ST6GALNAC3: variants seen among roughly 807,000 people sequenced by gnomAD.
ST6GALNAC3 encodes the protein alpha-N-acetylgalactosaminide alpha-2,6-sialyltransferase 3.
Under a neutral mutation model 32.7 loss-of-function variants are expected in ST6GALNAC3, and 25 were observed. That is an observed-to-expected ratio of 0.76 (90% confidence interval 0.56 to 1.07). The LOEUF is 1.07. Among genes scored for constraint, ST6GALNAC3 ranks in the 50% least tolerant of loss-of-function variants. The pLI, the probability that ST6GALNAC3 is intolerant of heterozygous loss-of-function variation, is 0.00. For synonymous variants in ST6GALNAC3, 129 were observed against 133.1 expected (o/e 0.97, Z 0.21); for missense variants, 355 against 382.4 (o/e 0.93, Z 0.60).
intron 1 of ST6GALNAC3, among the ~76,000 whole-genome samples, chr1:76,126,559 T>C (rs1400079563): frequency 6.6e-6 from 1 of 152,160 alleles, no homozygotes; most frequent in East Asian, 1.9e-4. Flanking sequence ...CAAGTGAACA[T>C]CTTCCTTAGT....
intron 2 of ST6GALNAC3, among the ~76,000 whole-genome samples, chr1:76,344,211 A>G (rs1211711282): frequency 2.6e-5 from 4 of 152,208 alleles, no homozygotes; most frequent in Admixed American, 6.5e-5. Context: ...GAATGATGAG[A>G]GGGAGCCAAG....
intron 1 of ST6GALNAC3, among the ~76,000 whole-genome samples, chr1:76,305,120 A>G (rs1322671813): frequency 1.3e-5 from 2 of 152,044 alleles, no homozygotes; most frequent in Non-Finnish European, 2.9e-5. Flanking sequence ...TCCCATAAGT[A>G]GTAGGATTTG....
chr1:76,426,420 C>T (rs745881954), intron 3 of ST6GALNAC3, among the ~76,000 whole-genome samples: 1 of 151,742 alleles, frequency 6.6e-6, no homozygotes, highest in Non-Finnish European at 1.5e-5. Context: ...TGTCTTCCAC[C>T]TTCACATCTT....
At chr1:76,133,955 C>T (rs951407431) in intron 1 of ST6GALNAC3, among the ~76,000 whole-genome samples, 6 of 152,158 alleles carry the variant, frequency 3.9e-5, no homozygotes, top group South Asian at 2.1e-4. Flanking sequence ...TTACAGGCAA[C>T]GACCCCAATC....
intron 3 of ST6GALNAC3, among the ~76,000 whole-genome samples, chr1:76,615,077 A>T (rs763008503): frequency 6.6e-6 from 1 of 152,112 alleles, no homozygotes; most frequent in Non-Finnish European, 1.5e-5. Flanking sequence ...AAGATGATGC[A>T]GGGGGCTAGA....
chr1:76,335,630 G>A (rs1022478358), intron 2 of ST6GALNAC3, among the ~76,000 whole-genome samples: 1 of 152,138 alleles, frequency 6.6e-6, no homozygotes, highest in African/African-American at 2.4e-5. Context: ...TTTTCTTCAT[G>A]AACATAATGA....
At chr1:76,493,078 A>G (rs2101698250) in intron 3 of ST6GALNAC3, among the ~76,000 whole-genome samples, 1 of 150,872 alleles carries the variant, frequency 6.6e-6, no homozygotes, top group South Asian at 2.1e-4. Flanking sequence ...CCTCTCTTAT[A>G]CTTCATTTTA....
intron 2 of ST6GALNAC3, among the ~76,000 whole-genome samples, chr1:76,341,859 AT>A (rs1648067525): frequency 6.6e-6 from 1 of 151,526 alleles, no homozygotes; most frequent in Non-Finnish European, 1.5e-5. Context: ...TCCCTCCCCT[AT>A]CCCCCTGCTT....
intron 3 of ST6GALNAC3, among the ~76,000 whole-genome samples, chr1:76,540,335 A>T (rs1205805958): frequency 2.0e-5 from 3 of 152,160 alleles, no homozygotes; most frequent in Non-Finnish European, 4.4e-5. Context: ...AGAGGGGAAC[A>T]ACACACACTA....
intron 1 of ST6GALNAC3, among the ~76,000 whole-genome samples, chr1:76,219,514 A>G (rs1314082672): frequency 2.0e-5 from 3 of 152,212 alleles, no homozygotes; most frequent in African/African-American, 7.2e-5. Context: ...GCAGCAAAGC[A>G]GGTGCTGGAG....
intron 1 of ST6GALNAC3, among the ~76,000 whole-genome samples, chr1:76,161,540 A>T (rs916986470): frequency 2.0e-5 from 3 of 152,140 alleles, no homozygotes; most frequent in Admixed American, 2.0e-4. Context: ...GGACCTCTGG[A>T]GATTTTTCTC....
At chr1:76,472,136 C>T (rs1461124953) in intron 3 of ST6GALNAC3, among the ~76,000 whole-genome samples, 3 of 152,182 alleles carry the variant, frequency 2.0e-5, no homozygotes, top group African/African-American at 7.2e-5. Context: ...AAATGGCCGA[C>T]ATTTTAGGTG....
At chr1:76,151,076 T>A (rs1651009865) in intron 1 of ST6GALNAC3, among the ~76,000 whole-genome samples, 1 of 151,888 alleles carries the variant, frequency 6.6e-6, no homozygotes, top group South Asian at 2.1e-4. Flanking sequence ...TTTCCAAGAG[T>A]GAAGTAACAC....
chr1:76,250,992 C>G (rs1657576550), intron 1 of ST6GALNAC3, among the ~76,000 whole-genome samples: 2 of 152,150 alleles, frequency 1.3e-5, no homozygotes, highest in African/African-American at 4.8e-5. Context: ...TTCGACCTTT[C>G]TTCTGGGCTT....
chr1:76,589,947 G>C (rs371463452), intron 3 of ST6GALNAC3, among the ~76,000 whole-genome samples: 10 of 106,302 alleles, frequency 9.4e-5, no homozygotes, highest in African/African-American at 2.8e-4. Flanking sequence ...TTCTGCTCTC[G>C]TAATCCATTT....
intron 1 of ST6GALNAC3, among the ~76,000 whole-genome samples, chr1:76,153,584 T>A (rs374376295): frequency 1.3e-5 from 2 of 152,168 alleles, no homozygotes; most frequent in Admixed American, 6.5e-5. Flanking sequence ...TAATAAAACA[T>A]GGCATGAATT....
rs60378565 is a variant in ST6GALNAC3, at chr1:76,494,429, GTATATATATATATATATATA to G, written c.623+82033_623+82052del. ...TAGGACTAATAGGATGTGTGCATGT[GTATATATATATATATATATA>G]TATATATATATATATATATACACAC... On this transcript the variant is annotated intron_variant, in intron 3 of 4. Transcript: ENST00000328299. 1.2e-3 allele frequency among the ~76,000 whole-genome samples: 66 copies of G among 53,436 alleles called. 1 individual carries two copies. In the South Asian group the frequency reaches 0.02, roughly 16 times the overall value. 35.1% of individuals were successfully genotyped at this position (53,436 alleles called of 152,430 possible). A position where few individuals can be genotyped will look rare whatever the true frequency, so the allele number is the denominator to read the frequency against.
intron 2 of ST6GALNAC3, among the ~76,000 whole-genome samples, chr1:76,351,972 G>C (rs891126781): frequency 6.6e-6 from 1 of 152,128 alleles, no homozygotes; most frequent in Non-Finnish European, 1.5e-5. Flanking sequence ...TATTATAAAT[G>C]TTTGTGGCCA....
At chr1:76,373,613 T>C (rs1650999738) in intron 2 of ST6GALNAC3, among the ~76,000 whole-genome samples, 1 of 152,186 alleles carries the variant, frequency 6.6e-6, no homozygotes, top group African/African-American at 2.4e-5. Flanking sequence ...TGTATTTTAA[T>C]AGATTTCTTC....
Sources: allele counts gnomAD v4.1 joint callset (sites outside exome capture counted in the v4.1 genomes callset), GRCh38; gene constraint gnomAD v4.1.1; transcripts MANE v1.5; gene names NCBI Gene and HGNC (gene_info 2026-07-23, HGNC 2026-07-21).